Variants in LRMDA observed in about 807,000 individuals in gnomAD.
The protein encoded by LRMDA is leucine rich melanocyte differentiation associated, also known as leucine-rich melanocyte differentiation-associated protein.
A neutral mutation model predicts 29.8 loss-of-function variants in LRMDA; 18 were observed. That is an observed-to-expected ratio of 0.60 (90% CI 0.42 to 0.90). The LOEUF is 0.90. Ranked by LOEUF, LRMDA falls within the 40% of genes least tolerant of loss-of-function variation. LRMDA has a pLI of 0.00. For synonymous variants in LRMDA, 125 were observed against 109.4 expected (o/e 1.14, Z -0.89); for missense variants, 273 against 273.9 (o/e 1.00, Z 0.02).
intron 2 of LRMDA, among the ~76,000 whole-genome samples, chr10:75,704,660 G>A (rs1430267789): frequency 6.6e-6 from 1 of 152,176 alleles, no homozygotes; most frequent in Admixed American, 6.5e-5. Flanking sequence ...TTTTCTATGA[G>A]GTATTGGGAA....
intron 2 of LRMDA, among the ~76,000 whole-genome samples, chr10:75,464,561 G>A (rs1009800150): frequency 6.6e-6 from 1 of 152,214 alleles, no homozygotes; most frequent in African/African-American, 2.4e-5. Context: ...TAATCAGATC[G>A]ATGGGATATA....
At chr10:75,822,531 G>C (rs919816169) in intron 2 of LRMDA, among the ~76,000 whole-genome samples, 5 of 151,918 alleles carry the variant, frequency 3.3e-5, no homozygotes, top group African/African-American at 4.8e-5. Flanking sequence ...ATATAACAAA[G>C]CTAGTGGTAC....
intron 6 of LRMDA, among the ~76,000 whole-genome samples, chr10:76,390,053 A>G (rs1298290184): frequency 6.6e-6 from 1 of 152,226 alleles, no homozygotes; most frequent in Non-Finnish European, 1.5e-5. Flanking sequence ...TTAATTTCTT[A>G]AAGAGTTACC....
chr10:76,271,624 A>G (rs1840069302), intron 5 of LRMDA, among the ~76,000 whole-genome samples: 1 of 152,176 alleles, frequency 6.6e-6, no homozygotes, highest in Admixed American at 6.6e-5. Flanking sequence ...CATTTTGGCC[A>G]GAAATATAGG....
intron 2 of LRMDA, among the ~76,000 whole-genome samples, chr10:75,988,365 ACCCAGAG>A (rs1289782656): frequency 1.1e-4 from 17 of 151,800 alleles, no homozygotes; most frequent in African/African-American, 3.6e-4. Context: ...CGAACAGGGG[ACCCAGAG>A]ACAGGTCTGG....
chr10:75,538,969 A>G (rs1057136137), intron 2 of LRMDA, among the ~76,000 whole-genome samples: 1 of 152,252 alleles, frequency 6.6e-6, no homozygotes, highest in African/African-American at 2.4e-5. Flanking sequence ...GCAGGGTGCC[A>G]TCCCTATATT....
chr10:76,480,664 A>G (rs1186587037), intron 6 of LRMDA, among the ~76,000 whole-genome samples: 1 of 151,980 alleles, frequency 6.6e-6, no homozygotes, highest in African/African-American at 2.4e-5. Flanking sequence ...AAATAAAACA[A>G]CCAATTTGAT....
intron 2 of LRMDA, among the ~76,000 whole-genome samples, chr10:75,815,658 C>T (rs1844045941): frequency 6.6e-6 from 1 of 152,144 alleles, no homozygotes. Context: ...ACTACAGTCA[C>T]CAGAGCCCCT....
At chr10:75,753,366 A>C (rs767421920) in intron 2 of LRMDA, among the ~76,000 whole-genome samples, 1 of 152,194 alleles carries the variant, frequency 6.6e-6, no homozygotes, top group Non-Finnish European at 1.5e-5. Flanking sequence ...ACAATTTCCT[A>C]TGGTTCTAAT....
At chr10:75,785,838 G>A (rs1293101492) in intron 2 of LRMDA, among the ~76,000 whole-genome samples, 1 of 152,162 alleles carries the variant, frequency 6.6e-6, no homozygotes, top group African/African-American at 2.4e-5. Flanking sequence ...CCCTGCCTTC[G>A]ATTTTATCAA....
intron 5 of LRMDA, among the ~76,000 whole-genome samples, chr10:76,225,275 G>C (rs1024949800): frequency 6.6e-6 from 1 of 152,070 alleles, no homozygotes; most frequent in Non-Finnish European, 1.5e-5. Context: ...GCTGGGCGTG[G>C]TGGTGGGCGC....
At chr10:76,229,140 A>G (rs1321146672) in intron 5 of LRMDA, among the ~76,000 whole-genome samples, 1 of 152,218 alleles carries the variant, frequency 6.6e-6, no homozygotes, top group Non-Finnish European at 1.5e-5. Flanking sequence ...GGACAATAAT[A>G]TACCAAGTAT....
intron 2 of LRMDA, among the ~76,000 whole-genome samples, chr10:75,463,174 G>T (rs186281643): frequency 1.3e-5 from 2 of 152,320 alleles, no homozygotes; most frequent in East Asian, 3.9e-4. Context: ...TGAGGACAGG[G>T]TGACCTCAGC....
At chr10:76,383,661 A>G (rs961671882) in intron 6 of LRMDA, among the ~76,000 whole-genome samples, 30 of 149,850 alleles carry the variant, frequency 2.0e-4, no homozygotes, top group African/African-American at 6.7e-4. Context: ...CGATCTCCTG[A>G]CCTCATGATC....
intron 3 of LRMDA, among the ~76,000 whole-genome samples, chr10:76,040,357 T>C (rs1300593726): frequency 1.3e-5 from 2 of 152,204 alleles, no homozygotes; most frequent in Admixed American, 6.5e-5. Context: ...GCATACCTCC[T>C]GCTGGACCTC....
At chr10:76,295,371 A>G (rs1840398926) in intron 5 of LRMDA, among the ~76,000 whole-genome samples, 1 of 152,198 alleles carries the variant, frequency 6.6e-6, no homozygotes, top group Non-Finnish European at 1.5e-5. Flanking sequence ...GCAAGGACTC[A>G]TTTGAATTCA....
intron 5 of LRMDA, among the ~76,000 whole-genome samples, chr10:76,286,213 G>A (rs533566490): frequency 5.9e-5 from 9 of 152,188 alleles, no homozygotes; most frequent in South Asian, 4.2e-4. Context: ...AGATCTTCCC[G>A]CTGGAGATTC....
At chr10:76,223,806 G>C (rs1294375592) in intron 5 of LRMDA, among the ~76,000 whole-genome samples, 1 of 152,158 alleles carries the variant, frequency 6.6e-6, no homozygotes, top group Non-Finnish European at 1.5e-5. Flanking sequence ...CACCTCATTT[G>C]ACTGTGACAG....
chr10:76,501,913 T>G (rs1461411864), intron 6 of LRMDA, among the ~76,000 whole-genome samples: 1 of 152,034 alleles, frequency 6.6e-6, no homozygotes, highest in Non-Finnish European at 1.5e-5. Flanking sequence ...TTTTGGGGAT[T>G]TAGCCCAAAA....
Sources: allele counts gnomAD v4.1 joint callset (sites outside exome capture counted in the v4.1 genomes callset), GRCh38; gene constraint gnomAD v4.1.1; transcripts MANE v1.5; gene names NCBI Gene and HGNC (gene_info 2026-07-23, HGNC 2026-07-21).